ROR1: variants seen among roughly 807,000 people sequenced by gnomAD.
ROR1 encodes the protein inactive tyrosine-protein kinase transmembrane receptor ROR1.
A neutral mutation model predicts 78.8 loss-of-function variants in ROR1; 19 were observed. The observed-to-expected ratio is 0.24, with a 90% confidence interval of 0.17 to 0.35. ROR1 has a LOEUF of 0.35. Ranked by LOEUF, ROR1 falls within the 10% of genes least tolerant of loss-of-function variation. The probability of loss-of-function intolerance (pLI) is 1.00; values close to 1 mark genes in which losing one functional copy is unlikely to be tolerated. For synonymous variants in ROR1, 386 were observed against 433.6 expected, an observed-to-expected ratio of 0.89 and a Z score of 1.36; for missense variants, 917 against 1,177.8, an observed-to-expected ratio of 0.78 and a Z score of 3.24.
At chr1:64,115,274 G>A (rs1410683843) in intron 4 of ROR1, among the ~76,000 whole-genome samples, 7 of 151,996 alleles carry the variant, frequency 4.6e-5, no homozygotes, top group Non-Finnish European at 1.0e-4. Flanking sequence ...GGAGTGCAGT[G>A]GTGCAATCAT....
chr1:64,000,974 A>G (rs1454400556), intron 1 of ROR1, among the ~76,000 whole-genome samples: 1 of 152,232 alleles, frequency 6.6e-6, no homozygotes, highest in Non-Finnish European at 1.5e-5. Flanking sequence ...CTTCTTACAT[A>G]CAACTCTTCC....
chr1:63,952,955 T>C (rs1030845418), intron 1 of ROR1, among the ~76,000 whole-genome samples: 1 of 152,176 alleles, frequency 6.6e-6, no homozygotes, highest in African/African-American at 2.4e-5. Context: ...TTTACTTGGA[T>C]GGTATCCTAT....
At chr1:63,996,349 C>G (rs966872613) in intron 1 of ROR1, among the ~76,000 whole-genome samples, 1 of 152,134 alleles carries the variant, frequency 6.6e-6, no homozygotes, top group Non-Finnish European at 1.5e-5. Flanking sequence ...ATGTTTTCCT[C>G]GATTTAACTT....
Position 64,178,869 on chromosome 1 carries a change from T to C in ROR1, c.*14T>C. 1 of 1,594,050 alleles carries C rather than the reference T, an allele frequency of 6.3e-7. No homozygotes were observed. The highest frequency in any genetic ancestry group is 8.6e-7 in the Non-Finnish European group (1 of 1,165,176). ...GCAGAACTGTAAAATGCACAACTTT[T>C]GTAAATGTGGTATACAGGACAAACT... On this transcript the variant is annotated 3_prime_UTR_variant, in exon 9 of 9. Coordinates refer to ENST00000371079, the MANE Select transcript of ROR1 (RefSeq NM_005012.4). This position sits in a 1 kb window ranked among gnomAD's most constrained non-coding sequence, Gnocchi z 4.3.
At chr1:63,788,999 C>T (rs1644708903) in intron 1 of ROR1, 1 of 643,444 alleles carries the variant, frequency 1.6e-6, no homozygotes, top group Non-Finnish European at 3.0e-6. Context: ...GCAGCCAGCA[C>T]AGAATCCTCA....
At chr1:64,159,755 T>G (rs541497927) in intron 8 of ROR1, among the ~76,000 whole-genome samples, 1 of 152,182 alleles carries the variant, frequency 6.6e-6, no homozygotes, top group Non-Finnish European at 1.5e-5. Context: ...TTTAAGGAAG[T>G]GTTGTCCTTC....
chr1:64,158,819 G>C (rs576992360), intron 7 of ROR1, among the ~76,000 whole-genome samples, 162 bp from the exon 8 acceptor site: 1 of 152,318 alleles, frequency 6.6e-6, no homozygotes, highest in South Asian at 2.1e-4. Context: ...TTGAAGGTTT[G>C]ATGGAAACAA....
chr1:64,052,934 C>G (rs998750320), intron 4 of ROR1, among the ~76,000 whole-genome samples: 12 of 152,040 alleles, frequency 7.9e-5, no homozygotes, highest in African/African-American at 2.9e-4. Flanking sequence ...GAGTTCTTCA[C>G]TTCCTGAGAC....
At chr1:63,843,061 A>G in intron 1 of ROR1, 1 of 497,546 alleles carries the variant, frequency 2.0e-6, no homozygotes, top group East Asian at 3.8e-5. Flanking sequence ...TGGCAACTGG[A>G]GTGAAGGGAT....
chr1:64,011,016 A>C (rs1646470761), intron 2 of ROR1, among the ~76,000 whole-genome samples: 1 of 152,194 alleles, frequency 6.6e-6, no homozygotes, highest in Admixed American at 6.5e-5. Flanking sequence ...ATTCACTGTA[A>C]GTTGTATTTC....
intron 7 of ROR1, among the ~76,000 whole-genome samples, chr1:64,152,510 G>A (rs558678914): frequency 1.3e-5 from 2 of 152,248 alleles, no homozygotes; most frequent in South Asian, 4.2e-4. Context: ...TGCTGTTGCT[G>A]GGTTCATCTG....
chr1:63,955,058 T>C (rs1645970158), intron 1 of ROR1, among the ~76,000 whole-genome samples: 1 of 152,074 alleles, frequency 6.6e-6, no homozygotes, highest in African/African-American at 2.4e-5. Context: ...TAGTAACATA[T>C]TGGGTGGTGA....
intron 1 of ROR1, among the ~76,000 whole-genome samples, chr1:63,977,224 G>T (rs926922142): frequency 2.0e-5 from 3 of 152,204 alleles, no homozygotes; most frequent in African/African-American, 7.2e-5. Context: ...AGTTCAAGAT[G>T]AGATTTGGGT....
At chr1:64,000,694 T>C (rs569286028) in intron 1 of ROR1, among the ~76,000 whole-genome samples, 22 of 152,286 alleles carry the variant, frequency 1.4e-4, no homozygotes, top group African/African-American at 5.3e-4. Flanking sequence ...TACTGAGTTA[T>C]TTGCACTTCC....
intron 1 of ROR1, among the ~76,000 whole-genome samples, chr1:63,863,767 TATTG>T (rs1465262378): frequency 2.0e-5 from 3 of 150,528 alleles, no homozygotes; most frequent in African/African-American, 7.4e-5. Context: ...TATTGTATTG[TATTG>T]TATTGTATTG....
At chr1:63,884,423 C>T (rs79246644) in intron 1 of ROR1, among the ~76,000 whole-genome samples, 12,113 of 152,176 alleles carry the variant, frequency 0.08, 1,287 homozygotes, top group African/African-American at 0.24. Context: ...GAGGATACCA[C>T]AGCTGAAAGG....
chr1:64,142,513 C>CT lies in ROR1; in HGVS notation c.1040dup (p.Thr348HisfsTer32). ...AATTCCCAGTATCCCCACACACACA[C>CT]TTTCACCGCCCTTCGTTTCCCAGAG... On this transcript the variant is annotated frameshift_variant, in exon 7 of 9. Coordinates refer to ENST00000371079, the MANE Select transcript of ROR1 (RefSeq NM_005012.4). LOFTEE classifies it high-confidence loss of function. 1 of 1,614,204 alleles carries CT rather than the reference C, an allele frequency of 6.2e-7. No individual in the cohort carries two copies. Among genetic ancestry groups the CT allele is most frequent in the Non-Finnish European group, 8.5e-7 (1 of 1,180,024 alleles).
At chr1:64,036,666 G>T (rs2100576345) in intron 2 of ROR1, among the ~76,000 whole-genome samples, 1 of 152,324 alleles carries the variant, frequency 6.6e-6, no homozygotes, top group Middle Eastern at 3.4e-3. Flanking sequence ...CTTTTCTAGA[G>T]AATTTACTTC....
At chr1:64,137,952 C>T (rs1649172257) in intron 5 of ROR1, among the ~76,000 whole-genome samples, 3 of 152,104 alleles carry the variant, frequency 2.0e-5, no homozygotes, top group Admixed American at 6.6e-5. Context: ...GCTTACTTTC[C>T]CAAAAAGTCC....
Sources: gnomAD v4.1 joint callset for allele counts (sites outside exome capture counted in the v4.1 genomes callset) on GRCh38, gnomAD v4.1.1 for gene constraint, Gnocchi (gnomAD v3.1) non-coding constraint, MANE v1.5 for transcripts, NCBI Gene and HGNC (gene_info 2026-07-23, HGNC 2026-07-21) for gene names.